Variants in SAMHD1 observed in about 807,000 individuals in gnomAD.
SAMHD1 encodes SAM and HD domain containing deoxynucleoside triphosphate triphosphohydrolase 1.
A neutral mutation model predicts 79.6 loss-of-function variants in SAMHD1; 54 were observed. The ratio of observed to expected loss-of-function variants is 0.68; its 90% confidence interval spans 0.55 to 0.85. The LOEUF is 0.85. Among genes scored for constraint, SAMHD1 ranks in the 40% least tolerant of loss-of-function variants. The pLI, the probability that SAMHD1 is intolerant of heterozygous loss-of-function variation, is 0.00. For synonymous variants in SAMHD1, 260 were observed against 264.1 expected (o/e 0.98, Z 0.15); for missense variants, 663 against 782.7 (o/e 0.85, Z 1.82).
chr20:36,904,171 C>T lies in SAMHD1; in HGVS notation c.1489G>A (p.Asp497Asn), dbSNP rs1296340230. The change falls in exon 13 of 16, where the codon GAT becomes AAT. Residue 497 changes from aspartate (D) to asparagine (N), a missense_variant. Transcript: ENST00000646673. Reference sequence around the variant, plus strand: ...TAATTACTTACATCCACTATAAAATCTTCAGCCTTCAGTTTCACGTCTAGC... The same window carrying T: ...TAATTACTTACATCCACTATAAAATTTTCAGCCTTCAGTTTCACGTCTAGC... The part of the protein sequence containing the change: ...VLLDVKLKAE[D>N]FIVDVINMDY... 2 of 1,611,608 alleles carry T rather than the reference C, an allele frequency of 1.2e-6. No individual in the cohort carries two copies. Among genetic ancestry groups the T allele is most frequent in the Admixed American group, 3.3e-5 (2 of 59,988 alleles).
chr20:36,917,056 G>C lies in SAMHD1; in HGVS notation c.853-7C>G. 1 of 1,599,038 alleles carries C rather than the reference G, an allele frequency of 6.3e-7. No individual in the cohort carries two copies. The highest frequency in any genetic ancestry group is 2.2e-5 in the East Asian group (1 of 44,800). ...GACGCCCTTTATATGGCCACTGGAA[G>C]GCAAGAAAACCCACTGGAAGTTTTA... is the stretch of plus-strand genomic sequence containing the variant. On this transcript the variant is annotated splice_region_variant and splice_polypyrimidine_tract_variant and intron_variant, in intron 7 of 15. Coordinates refer to ENST00000646673, the MANE Select transcript of SAMHD1 (RefSeq NM_015474.4).
intron 10 of SAMHD1, chr20:36,911,760 G>A: frequency 5.2e-6 from 1 of 191,670 alleles, no homozygotes; most frequent in Non-Finnish European, 1.1e-5. Flanking sequence ...GGTATTCCAA[G>A]TAATCTGCTC....
chr20:36,933,737 T>C (rs1353632538), intron 4 of SAMHD1, among the ~76,000 whole-genome samples: 1 of 151,570 alleles, frequency 6.6e-6, no homozygotes, highest in Non-Finnish European at 1.5e-5. Context: ...GTGATCCGCC[T>C]GCCCCGGCCT....
intron 3 of SAMHD1, among the ~76,000 whole-genome samples, chr20:36,939,265 A>G (rs1262980247): frequency 1.4e-5 from 2 of 144,260 alleles, no homozygotes; most frequent in Admixed American, 7.0e-5. Context: ...AAAAAAAAAA[A>G]AAAAAAAAAA....
chr20:36,915,925 C>T (rs535934146), intron 9 of SAMHD1, among the ~76,000 whole-genome samples: 3 of 151,770 alleles, frequency 2.0e-5, no homozygotes, highest in Non-Finnish European at 2.9e-5. Context: ...TTTGGGAGGC[C>T]GAGGCGGGCA....
rs192965712 is a variant in SAMHD1, at chr20:36,897,424, T to C, written c.1746+398A>G. On this transcript the variant is annotated intron_variant, in intron 15 of 15. Transcript: ENST00000646673. ...AGATAATTTAAATAGCTAACTAATA[T>C]ACTGAAGTAACGAGGTTTAGAAACA... 342 of 308,920 alleles carry C rather than the reference T, an allele frequency of 1.1e-3. 1 individual carries two copies. The highest frequency in any genetic ancestry group is 6.6e-3 in the African/African-American group (303 of 45,928). 19.1% of individuals were successfully genotyped at this position (308,920 alleles called of 1,614,324 possible). A position where few individuals can be genotyped will look rare whatever the true frequency, so the allele number is the denominator to read the frequency against.
intron 4 of SAMHD1, among the ~76,000 whole-genome samples, chr20:36,932,574 T>C (rs573292946): frequency 7.5e-5 from 11 of 146,834 alleles, no homozygotes; most frequent in Admixed American, 2.1e-4. Flanking sequence ...CACTCCACCA[T>C]GCCCGGCTGG....
rs139978303 is a variant in SAMHD1, at chr20:36,904,402, C to T, written c.1411-153G>A. The T allele has an allele frequency of 7.1e-5, 48 of 673,040 alleles. No individual in the cohort carries two copies. In the East Asian group the frequency reaches 1.1e-3, roughly 16 times the overall value. The allele number at this position is 673,040 out of a possible 1,614,324, so 41.7% of individuals were successfully genotyped here. ...GCTCCTACCAATGTCACTCGTTAAA[C>T]AAAGAGAGCATTTTTGTAAAAAATT... On this transcript the variant is annotated intron_variant, in intron 12 of 15. Coordinates refer to ENST00000646673, the MANE Select transcript of SAMHD1 (RefSeq NM_015474.4).
chr20:36,913,756 CTTTT>C (rs35178473), intron 9 of SAMHD1, among the ~76,000 whole-genome samples: 1 of 135,338 alleles, frequency 7.4e-6, no homozygotes, highest in Non-Finnish European at 1.6e-5. Context: ...TCATTCTTGA[CTTTT>C]TTTTTTTTTT....
At chr20:36,928,712 G>C (rs2146129626) in intron 5 of SAMHD1, among the ~76,000 whole-genome samples, 1 of 150,360 alleles carries the variant, frequency 6.7e-6, no homozygotes, top group African/African-American at 2.4e-5. Flanking sequence ...AAATCCACTG[G>C]GGTGCAGGAA....
chr20:36,927,044 ATG>A, intron 6 of SAMHD1, 136 bp downstream of exon 6: 3 of 701,296 alleles, frequency 4.3e-6, no homozygotes, highest in Non-Finnish European at 7.6e-6. Context: ...ATATATATAT[ATG>A]TGAATGAAAG....
intron 3 of SAMHD1, among the ~76,000 whole-genome samples, chr20:36,936,082 A>G (rs2063601841): frequency 6.6e-6 from 1 of 151,912 alleles, no homozygotes; most frequent in South Asian, 2.1e-4. Context: ...GTGAGACCCC[A>G]TCTTTAAAAA....
intron 2 of SAMHD1, among the ~76,000 whole-genome samples, chr20:36,941,760 C>G (rs2063645466): frequency 6.6e-6 from 1 of 151,982 alleles, no homozygotes; most frequent in South Asian, 2.1e-4. Context: ...AAAAAAGTAT[C>G]TTTCTACAAG....
chr20:36,905,315 G>C (rs2063398348), intron 12 of SAMHD1, 49 bp downstream of exon 12: 3 of 1,593,606 alleles, frequency 1.9e-6, no homozygotes, highest in South Asian at 2.2e-5. Context: ...GTCTCCTCTT[G>C]GAGGACAGAG....
chr20:36,902,953 G>A (rs1990333996), intron 13 of SAMHD1, among the ~76,000 whole-genome samples: 1 of 151,868 alleles, frequency 6.6e-6, no homozygotes, highest in Non-Finnish European at 1.5e-5. Flanking sequence ...TGGGCAGGAT[G>A]GTCTCAACCT....
intron 6 of SAMHD1, among the ~76,000 whole-genome samples, chr20:36,920,330 G>C (rs1297041339): frequency 1.3e-5 from 2 of 151,868 alleles, no homozygotes. Flanking sequence ...TGACCAGGTT[G>C]GTCTTGAACT....
chr20:36,912,778 A>T (rs867791373), intron 9 of SAMHD1, among the ~76,000 whole-genome samples: 1,055 of 41,396 alleles, frequency 0.025, 16 homozygotes, highest in African/African-American at 0.057. Flanking sequence ...TTTTTTTTTT[A>T]AAAGATGAGG....
At chr20:36,915,335 C>G (rs573826396) in intron 9 of SAMHD1, among the ~76,000 whole-genome samples, 1 of 152,256 alleles carries the variant, frequency 6.6e-6, no homozygotes, top group African/African-American at 2.4e-5. Flanking sequence ...AAGACCCTGT[C>G]TGGAAAGAAA....
intron 1 of SAMHD1, among the ~76,000 whole-genome samples, chr20:36,949,927 T>G (rs2063722222): frequency 6.6e-6 from 1 of 151,986 alleles, no homozygotes; most frequent in African/African-American, 2.4e-5. Context: ...CAGCCGGTTC[T>G]CAAAAGAAAC....
Sources: gnomAD v4.1 joint callset for allele counts (sites outside exome capture counted in the v4.1 genomes callset) on GRCh38, gnomAD v4.1.1 for gene constraint, MANE v1.5 for transcripts, NCBI Gene and HGNC (gene_info 2026-07-23, HGNC 2026-07-21) for gene names.